GRM3: variants seen among roughly 807,000 people sequenced by gnomAD.
GRM3 encodes the protein glutamate metabotropic receptor 3, also known as metabotropic glutamate receptor 3.
Under a neutral mutation model 70.5 loss-of-function variants are expected in GRM3, and 26 were observed. That is an observed-to-expected ratio of 0.37 (90% CI 0.27 to 0.51). GRM3 has a LOEUF of 0.51. GRM3 is among the 20% of genes least tolerant of loss of function. The probability of loss-of-function intolerance (pLI) is 0.93; values close to 1 mark genes in which losing one functional copy is unlikely to be tolerated. For missense variants in GRM3, 859 were observed against 1,123.8 expected, an observed-to-expected ratio of 0.76 and a Z score of 3.37; for synonymous variants, 443 against 434.9, an observed-to-expected ratio of 1.02 and a Z score of -0.23.
At chr7:86,766,472 T>C (rs555150587) in intron 2 of GRM3, among the ~76,000 whole-genome samples, 9 of 152,042 alleles carry the variant, frequency 5.9e-5, no homozygotes, top group African/African-American at 1.9e-4. Context: ...AGAAGAAATA[T>C]ACATACTCTT....
At chr7:86,856,074 C>A (rs1798839716) in intron 5 of GRM3, among the ~76,000 whole-genome samples, 1 of 152,156 alleles carries the variant, frequency 6.6e-6, no homozygotes, top group South Asian at 2.1e-4. Flanking sequence ...GCAAGTCAAG[C>A]CAGCTGCTTT....
intron 3 of GRM3, among the ~76,000 whole-genome samples, chr7:86,791,737 A>G (rs1368846692): frequency 6.6e-6 from 1 of 152,226 alleles, no homozygotes; most frequent in Admixed American, 6.5e-5. Flanking sequence ...CAATAGGTTT[A>G]TAGTATGTTT....
chr7:86,854,303 T>C (rs1798808597), intron 5 of GRM3, among the ~76,000 whole-genome samples: 2 of 152,168 alleles, frequency 1.3e-5, no homozygotes, highest in Admixed American at 6.6e-5. Flanking sequence ...GAGAGCCTCC[T>C]GATGGCAGCC....
At chr7:86,754,118 T>C (rs1183071982) in intron 1 of GRM3, among the ~76,000 whole-genome samples, 1 of 152,172 alleles carries the variant, frequency 6.6e-6, no homozygotes, top group Non-Finnish European at 1.5e-5. Flanking sequence ...GTCTATCTGA[T>C]GAGATCAGGA....
intron 1 of GRM3, among the ~76,000 whole-genome samples, chr7:86,730,947 C>T (rs1276406049): frequency 6.6e-6 from 1 of 152,110 alleles, no homozygotes; most frequent in Non-Finnish European, 1.5e-5. Flanking sequence ...TATGACTACC[C>T]TTTTTTGAAT....
chr7:86,652,926 G>A (rs752378078), intron 1 of GRM3, among the ~76,000 whole-genome samples: 6 of 152,076 alleles, frequency 3.9e-5, no homozygotes, highest in Non-Finnish European at 7.4e-5. Context: ...TTGAAGTTTT[G>A]GAATCTGCAT....
chr7:86,833,001 T>C (rs1430067720), intron 3 of GRM3: 1 of 983,480 alleles, frequency 1.0e-6, no homozygotes, highest in Non-Finnish European at 1.2e-6. Flanking sequence ...TTCCTGGTTG[T>C]TCTTTTTCTT....
chr7:86,811,623 G>T (rs1419980062), intron 3 of GRM3, among the ~76,000 whole-genome samples: 1 of 151,804 alleles, frequency 6.6e-6, no homozygotes, highest in Non-Finnish European at 1.5e-5. Flanking sequence ...GGCTTTCAAA[G>T]AGCTCATTGG....
In GRM3 at chr7:86,839,704, C is replaced by T. The variant is rs2116738651; in HGVS notation, c.2190C>T (p.Cys730=). ...AGCGGGAAACAGTCATCCTAAAATG[C>T]AATGTCAAAGATTCCAGCATGTTGA... ...AEKRETVILK[C]NVKDSSMLIS... The change falls in exon 4 of 6, where the codon TGC becomes TGT. Residue 730 remains cysteine (C), a synonymous_variant. Coordinates refer to ENST00000361669, the MANE Select transcript of GRM3 (RefSeq NM_000840.3). The surrounding 1 kb of genome is among the most constrained non-coding windows in gnomAD (Gnocchi z 4.5). 1 of 1,614,028 alleles carries T rather than the reference C, an allele frequency of 6.2e-7. No individual in the cohort carries two copies. Among genetic ancestry groups the T allele is most frequent in the Non-Finnish European group, 8.5e-7 (1 of 1,179,938 alleles).
At chr7:86,769,820 A>C (rs1487150180) in intron 2 of GRM3, among the ~76,000 whole-genome samples, 1 of 152,164 alleles carries the variant, frequency 6.6e-6, no homozygotes, top group East Asian at 1.9e-4. Context: ...TTAATTCAGT[A>C]ATCAATGAAA....
intron 5 of GRM3, among the ~76,000 whole-genome samples, chr7:86,852,151 T>A (rs962563783): frequency 2.0e-5 from 3 of 152,148 alleles, no homozygotes; most frequent in African/African-American, 7.2e-5. Flanking sequence ...TACTGTATCG[T>A]GCAGCCTCTT....
intron 1 of GRM3, among the ~76,000 whole-genome samples, chr7:86,663,285 G>A (rs1793945363): frequency 6.6e-6 from 1 of 151,850 alleles, no homozygotes; most frequent in South Asian, 2.1e-4. Context: ...AAGGGAAGAA[G>A]GTTTTCCCAG....
intron 3 of GRM3, among the ~76,000 whole-genome samples, chr7:86,803,686 A>G (rs1157161799): frequency 6.6e-6 from 1 of 152,212 alleles, no homozygotes; most frequent in East Asian, 1.9e-4. Context: ...GGATTGAATT[A>G]ACTAGCATGA....
In GRM3 at chr7:86,740,990, T is replaced by C. The variant is rs116412490; in HGVS notation, c.-140-24016T>C. 8.9e-3 allele frequency among the ~76,000 whole-genome samples: 1,361 copies of C among 152,316 alleles called. 16 individuals are homozygous for C. Among genetic ancestry groups the C allele is most frequent in the African/African-American group, 0.031 (1,295 of 41,572 alleles). On this transcript the variant is annotated intron_variant, in intron 1 of 5. Transcript: ENST00000361669. ...AGGCAGATGAAGGAAGAACCATATA[T>C]ATGTGTACATAGACCTTGGCAGTCA...
intron 1 of GRM3, among the ~76,000 whole-genome samples, chr7:86,647,648 G>T (rs1793506451): frequency 6.6e-6 from 1 of 152,136 alleles, no homozygotes; most frequent in African/African-American, 2.4e-5. Flanking sequence ...CCACTAAATG[G>T]ATCCAATACT....
chr7:86,783,749 A>T (rs933977045), intron 2 of GRM3, among the ~76,000 whole-genome samples: 1 of 152,220 alleles, frequency 6.6e-6, no homozygotes, highest in Non-Finnish European at 1.5e-5. Context: ...GGAGCAGCTC[A>T]CTGTGATAAA....
intron 3 of GRM3, among the ~76,000 whole-genome samples, chr7:86,835,105 A>G (rs1272318107): frequency 1.3e-5 from 2 of 152,130 alleles, no homozygotes; most frequent in African/African-American, 4.8e-5. Context: ...AACTGTGGAA[A>G]GAGACCAAGA....
intron 1 of GRM3, among the ~76,000 whole-genome samples, chr7:86,713,433 T>C (rs1253166306): frequency 1.3e-5 from 2 of 152,048 alleles, no homozygotes; most frequent in Admixed American, 6.6e-5. Flanking sequence ...CTATGTCTCA[T>C]GTAACTATCA....
At chr7:86,758,453 CA>C (rs972712839) in intron 1 of GRM3, among the ~76,000 whole-genome samples, 1 of 152,110 alleles carries the variant, frequency 6.6e-6, no homozygotes, top group African/African-American at 2.4e-5. Context: ...GGCTCTAATT[CA>C]GAGGCTTTGT....
Sources: allele counts gnomAD v4.1 joint callset (sites outside exome capture counted in the v4.1 genomes callset), GRCh38; gene constraint gnomAD v4.1.1; non-coding constraint Gnocchi (gnomAD v3.1); transcripts MANE v1.5; gene names NCBI Gene and HGNC (gene_info 2026-07-23, HGNC 2026-07-21).